Variants in RFLNA observed in about 807,000 individuals in gnomAD.
RFLNA encodes the protein refilin A.
Under a neutral mutation model 7.8 loss-of-function variants are expected in RFLNA, and 5 were observed. That is an observed-to-expected ratio of 0.64 (90% CI 0.34 to 1.35). The LOEUF (loss-of-function observed/expected upper bound fraction) is 1.35, where lower values mean the gene tolerates loss of function less well. Ranked by LOEUF, RFLNA falls within the 40% of genes most tolerant of loss-of-function variation. RFLNA has a pLI of 0.04. For missense variants in RFLNA, 278 were observed against 305.5 expected, an observed-to-expected ratio of 0.91 and a Z score of 0.67; for synonymous variants, 141 against 131.3, an observed-to-expected ratio of 1.07 and a Z score of -0.50.
chr12:124,300,856 G>GTGGATGGA, intron 1 of RFLNA, among the ~76,000 whole-genome samples: 1 of 141,264 alleles, frequency 7.1e-6, no homozygotes, highest in South Asian at 2.4e-4. Flanking sequence ...AGAAGAATGG[G>GTGGATGGA]TGGATGGATG....
At chr12:124,302,799 A>AG (rs1273221416) in intron 1 of RFLNA, among the ~76,000 whole-genome samples, 12 of 129,782 alleles carry the variant, frequency 9.2e-5, no homozygotes, top group South Asian at 2.6e-4. Flanking sequence ...GGCCGAGGTC[A>AG]GGGGCTGAGG....
chr12:124,314,344 C>T lies in RFLNA; in HGVS notation c.470C>T (p.Pro157Leu). 4 of 1,613,454 alleles carry T rather than the reference C, an allele frequency of 2.5e-6. No homozygotes were observed. Among genetic ancestry groups the T allele is most frequent in the Non-Finnish European group, 3.4e-6 (4 of 1,179,984 alleles). ...TACCGCAGCCAGCTGACCCTGGAGCCACGCCCGCGCGCCCTGCGCTTCCGC... is the reference window on the plus strand; with the variant it reads ...TACCGCAGCCAGCTGACCCTGGAGCTACGCCCGCGCGCCCTGCGCTTCCGC... Reference protein sequence around the residue: ...RNYRSQLTLEPRPRALRFRST... With the variant: ...RNYRSQLTLELRPRALRFRST... Residue 157 changes from proline (P) to leucine (L), a missense_variant, in exon 3 of 3, where the codon CCA becomes CTA. Physicochemically the swap from Pro to Leu is moderately conservative, Grantham distance 98. Transcript: ENST00000546355.
chr12:124,295,331 G>C lies in RFLNA; in HGVS notation c.-99G>C. The C allele has an allele frequency of 3.2e-6, 2 of 616,928 alleles. No individual in the cohort carries two copies. Among genetic ancestry groups the C allele is most frequent in the Non-Finnish European group, 4.5e-6 (2 of 441,860 alleles). 38.2% of individuals were successfully genotyped at this position (616,928 alleles called of 1,614,324 possible). ...TCTCGCGGTGCCCGCAGGTCCCCGG[G>C]CGCGCAGCTCTCGCCCCGCCGCCGC... On this transcript the variant is annotated 5_prime_UTR_variant, in exon 1 of 3. Coordinates refer to ENST00000546355, the MANE Select transcript of RFLNA (RefSeq NM_001365156.1).
intron 1 of RFLNA, among the ~76,000 whole-genome samples, chr12:124,297,848 G>T (rs1011950859): frequency 6.6e-6 from 1 of 152,114 alleles, no homozygotes; most frequent in Non-Finnish European, 1.5e-5. Context: ...ACCCCACAGG[G>T]CGCCCCACCT....
At chr12:124,302,779 G>A (rs1031684814) in intron 1 of RFLNA, among the ~76,000 whole-genome samples, 7 of 151,540 alleles carry the variant, frequency 4.6e-5, no homozygotes, top group South Asian at 2.1e-4. Flanking sequence ...GTCAGGGGCC[G>A]AGGTCAGGGG....
chr12:124,302,805 T>TCGGGGCC (rs1275197389), intron 1 of RFLNA, among the ~76,000 whole-genome samples: 1 of 127,572 alleles, frequency 7.8e-6, no homozygotes, highest in Non-Finnish European at 1.6e-5. Flanking sequence ...GGTCAGGGGC[T>TCGGGGCC]GAGGTCAGGG....
intron 2 of RFLNA, 143 bp downstream of exon 2, chr12:124,312,070 G>A: frequency 1.9e-6 from 2 of 1,029,540 alleles, no homozygotes; most frequent in South Asian, 2.1e-5. Context: ...CCCTCTGGGT[G>A]CTGCTTCCTG....
At chr12:124,308,406 A>AGGTAC (rs2034175067) in intron 1 of RFLNA, among the ~76,000 whole-genome samples, 2 of 152,100 alleles carry the variant, frequency 1.3e-5, no homozygotes, top group Admixed American at 1.3e-4. Context: ...GATCCTGTCC[A>AGGTAC]CAGGGTCTGC....
intron 1 of RFLNA, among the ~76,000 whole-genome samples, chr12:124,308,989 G>A (rs1345737357): frequency 6.6e-6 from 1 of 152,238 alleles, no homozygotes; most frequent in Non-Finnish European, 1.5e-5. Context: ...TCAACCTACT[G>A]AATCGTAATG....
In RFLNA at chr12:124,311,943, G is replaced by A. The variant is rs772083785; in HGVS notation, c.317+16G>A. ...ATGAGATCCGGTGAGTGGGCCACTG[G>A]GCTCTGCGCGGGAGGAGGGGGTGGG... On this transcript the variant is annotated intron_variant, in intron 2 of 2. Coordinates refer to ENST00000546355, the MANE Select transcript of RFLNA (RefSeq NM_001365156.1). 28 of 1,558,816 alleles carry A rather than the reference G, an allele frequency of 1.8e-5. No homozygotes were observed. The highest frequency in any genetic ancestry group is 2.3e-5 in the Non-Finnish European group (27 of 1,157,374).
Position 124,290,028 on chromosome 12 carries a change from GC to G in RFLNA, c.-37+662del, listed in dbSNP as rs1012574896. ...CACTCTTCTTGCCTCTGTTCTCGCC[GC>G]CCCTTTGAACTCCTCCACTTCAACT... On this transcript the variant is annotated intron_variant, in intron 1 of 2. Transcript: ENST00000324038. The surrounding 1 kb of genome is among the most constrained non-coding windows in gnomAD (Gnocchi z 4.0). Among the ~76,000 whole-genome samples the G allele has an allele frequency of 6.6e-6, 1 of 152,104 alleles. No individual in the cohort carries two copies. The highest frequency in any genetic ancestry group is 2.4e-5 in the African/African-American group (1 of 41,412).
rs1344445743 is a variant in RFLNA, at chr12:124,296,122, T to TTCTTTCTTTC, written c.207+489_207+490insTTCTTTCTCT. Among the ~76,000 whole-genome samples the TTCTTTCTTTC allele has an allele frequency of 5.3e-4, 2 of 3,754 alleles. 1 individual carries two copies. Among genetic ancestry groups the TTCTTTCTTTC allele is most frequent in the African/African-American group, 5.6e-4 (2 of 3,564 alleles). 2.5% of individuals were successfully genotyped at this position (3,754 alleles called of 152,430 possible). ...TTTCTTTCTTTCTTTCTTTCTTTCTTTCTCTCTCTCTCTCTCTTCTTCTCT... is the reference window on the plus strand; with the variant it reads ...TTTCTTTCTTTCTTTCTTTCTTTCTTTCTTTCTTTCTCTCTCTCTCTCTCTCTTCTTCTCT... On this transcript the variant is annotated intron_variant, in intron 1 of 2. Transcript: ENST00000546355.
chr12:124,305,492 A>G (rs1232259173), intron 1 of RFLNA, among the ~76,000 whole-genome samples: 2 of 152,220 alleles, frequency 1.3e-5, no homozygotes, highest in East Asian at 1.9e-4. Flanking sequence ...ATTTGTTATC[A>G]TCTTCCAGCT....
In RFLNA at chr12:124,314,589, G is replaced by A. The variant is rs935728340; in HGVS notation, c.*64G>A. The A allele has an allele frequency of 2.3e-5, 35 of 1,535,632 alleles. No individual in the cohort carries two copies. The highest frequency in any genetic ancestry group is 4.9e-5 in the East Asian group (2 of 40,880). ...AGCCCTGGGGAGAAGCCGGGAGGAT[G>A]GACACGATGAGCTCGGCCTGGCACT... On this transcript the variant is annotated 3_prime_UTR_variant, in exon 3 of 3. Coordinates refer to ENST00000546355, the MANE Select transcript of RFLNA (RefSeq NM_001365156.1).
upstream of RFLNA, among the ~76,000 whole-genome samples, chr12:124,294,257 T>C (rs2033865980): frequency 6.6e-6 from 1 of 152,024 alleles, no homozygotes; most frequent in Admixed American, 6.6e-5. Context: ...CCTCCTGGAG[T>C]CTACCTCTGT....
rs2033794108 is a variant in RFLNA at position 124,290,041 on chromosome 12, C to T, written c.-37+671C>T. Among the ~76,000 whole-genome samples, 2 of 152,226 alleles carry T rather than the reference C, an allele frequency of 1.3e-5. No individual in the cohort carries two copies. Among genetic ancestry groups the T allele is most frequent in the East Asian group, 1.9e-4 (1 of 5,196 alleles). On this transcript the variant is annotated intron_variant, in intron 1 of 2. Coordinates refer to the RFLNA transcript ENST00000324038. This position sits in a 1 kb window ranked among gnomAD's most constrained non-coding sequence, Gnocchi z 4.0. ...TCTGTTCTCGCCGCCCCTTTGAACTCCTCCACTTCAACTTCTTCTGTGGCT... is the reference window on the plus strand; with the variant it reads ...TCTGTTCTCGCCGCCCCTTTGAACTTCTCCACTTCAACTTCTTCTGTGGCT...
intron 1 of RFLNA, among the ~76,000 whole-genome samples, chr12:124,302,345 C>T (rs976549451): frequency 6.6e-6 from 1 of 152,140 alleles, no homozygotes; most frequent in East Asian, 1.9e-4. Context: ...CTGCGACGTT[C>T]GAGTTTGTTC....
chr12:124,310,195 A>AAAAAAAAAAAAAAAAAAAAAAC (rs1227402468), intron 1 of RFLNA, among the ~76,000 whole-genome samples: 1 of 146,098 alleles, frequency 6.8e-6, no homozygotes, highest in Non-Finnish European at 1.5e-5. Context: ...AAAAAAAAAA[A>AAAAAAAAAAAAAAAAAAAAAAC]AGCCTTTAGA....
chr12:124,311,780 G>C lies in RFLNA; in HGVS notation c.208-38G>C, dbSNP rs745308395. The C allele has an allele frequency of 3.9e-5, 58 of 1,504,394 alleles. 2 individuals carry two copies. The South Asian group carries it at 7.5e-4, about 19-fold the overall frequency. The allele number at this position is 1,504,394 out of a possible 1,614,324, so 93.2% of individuals were successfully genotyped here. A position where few individuals can be genotyped will look rare whatever the true frequency, so the allele number is the denominator to read the frequency against. On this transcript the variant is annotated intron_variant, in intron 1 of 2. Transcript: ENST00000546355. ...CAGGGAGCTGAGGCCACTGCAACAA[G>C]GGGCTGCATAACCCCGTGTCCCTGG... is the stretch of plus-strand genomic sequence containing the variant.
Sources: gnomAD v4.1 joint callset for allele counts (sites outside exome capture counted in the v4.1 genomes callset) on GRCh38, gnomAD v4.1.1 for gene constraint, Gnocchi (gnomAD v3.1) non-coding constraint, MANE v1.5 for transcripts, NCBI Gene and HGNC (gene_info 2026-07-23, HGNC 2026-07-21) for gene names.